ZFAT: variants seen among roughly 807,000 people sequenced by gnomAD.
ZFAT encodes zinc finger and AT-hook domain containing.
ZFAT carries 64 observed loss-of-function variants against 117.7 expected under a neutral mutation model. The observed-to-expected ratio is 0.54, with a 90% CI of 0.44 to 0.67. The LOEUF is 0.67. ZFAT is among the 30% of genes least tolerant of loss of function. The pLI is 0.00. For missense variants in ZFAT, 1,433 were observed against 1,584.5 expected, an observed-to-expected ratio of 0.90 and a Z score of 1.62; for synonymous variants, 679 against 615.0, an observed-to-expected ratio of 1.10 and a Z score of -1.54.
At position 134,670,303 on chromosome 8, in the gene ZFAT, T is replaced by G. The variant is rs1832491879; in HGVS notation, c.20-12566A>C. Among the ~76,000 whole-genome samples the G allele has an allele frequency of 2.0e-5, 3 of 152,248 alleles. No homozygotes were observed. The South Asian group carries it at 6.2e-4, about 31-fold the overall frequency. On this transcript the variant is annotated intron_variant, in intron 1 of 15. Transcript: ENST00000377838. ...CCCCAAATCAACAGAATATACATTC[T>G]TCTCAGCACCACATCACACTTAATC...
intron 7 of ZFAT, chr8:134,599,838 T>C (rs971408331): frequency 2.0e-5 from 9 of 454,194 alleles, no homozygotes; most frequent in African/African-American, 1.4e-4. Flanking sequence ...TCATTCATTG[T>C]GTTACAAGAT....
chr8:134,510,611 C>A (rs1819755499), intron 14 of ZFAT: 1 of 163,194 alleles, frequency 6.1e-6, no homozygotes, highest in Admixed American at 5.9e-5. Context: ...TCGCCGGCAC[C>A]CCCAAACACA....
At chr8:134,757,232 G>T in the ZFAT span, among the ~76,000 whole-genome samples, 3 of 151,900 alleles carry the variant, frequency 2.0e-5, no homozygotes, top group South Asian at 4.2e-4. Context: ...GGCCAGGCTG[G>T]TCTCAAACTC....
At chr8:134,480,494 A>C (rs1316715286) in intron 15 of ZFAT, among the ~76,000 whole-genome samples, 1 of 152,236 alleles carries the variant, frequency 6.6e-6, no homozygotes, top group African/African-American at 2.4e-5. Flanking sequence ...ACTAGGTGTC[A>C]GATGCCACGC....
intron 1 of ZFAT, among the ~76,000 whole-genome samples, chr8:134,696,218 A>G (rs11166667): frequency 0.89 from 135,130 of 152,220 alleles, 60,157 homozygotes; most frequent in African/African-American, 0.91. Context: ...CCAGGCGCGG[A>G]CCATCTCTAA....
At chr8:134,781,401 T>G in the ZFAT span, among the ~76,000 whole-genome samples, 1 of 152,192 alleles carries the variant, frequency 6.6e-6, no homozygotes, top group African/African-American at 2.4e-5. Context: ...CACTTTTATC[T>G]TAACTTACAG....
intron 10 of ZFAT, among the ~76,000 whole-genome samples, chr8:134,583,506 G>A (rs150127670): frequency 1.5e-4 from 23 of 152,266 alleles, no homozygotes; most frequent in Admixed American, 9.8e-4. Flanking sequence ...GGTGGTGATG[G>A]AGGGCTAAAA....
At chr8:134,578,554 A>G (rs886396745) in intron 10 of ZFAT, among the ~76,000 whole-genome samples, 1 of 152,090 alleles carries the variant, frequency 6.6e-6, no homozygotes, top group Admixed American at 6.6e-5. Context: ...GTGACAGCAG[A>G]TAGACAGGAG....
intron 12 of ZFAT, among the ~76,000 whole-genome samples, chr8:134,525,574 A>G (rs750919353): frequency 3.9e-5 from 6 of 152,198 alleles, no homozygotes; most frequent in Non-Finnish European, 8.8e-5. Context: ...CTCCAAATCA[A>G]TTCCGTGTCA....
chr8:134,538,811 A>AAAAGAT (rs1309976673), intron 11 of ZFAT, among the ~76,000 whole-genome samples: 18 of 151,820 alleles, frequency 1.2e-4, no homozygotes, highest in African/African-American at 4.4e-4. Context: ...AAAAAAAAAA[A>AAAAGAT]AAAGATAAAG....
intron 3 of ZFAT, among the ~76,000 whole-genome samples, chr8:134,637,037 C>A (rs567978504): frequency 6.6e-6 from 1 of 152,386 alleles, no homozygotes; most frequent in East Asian, 1.9e-4. Flanking sequence ...AGACGTCCTT[C>A]CTTCAATTCA....
chr8:134,664,187 C>A (rs1368700462), intron 1 of ZFAT, among the ~76,000 whole-genome samples: 3 of 151,918 alleles, frequency 2.0e-5, no homozygotes, highest in Non-Finnish European at 4.4e-5. Context: ...TCTCTGCTGG[C>A]CAGCCCATGA....
chr8:134,700,392 G>T (rs1041380073), intron 1 of ZFAT, among the ~76,000 whole-genome samples: 2 of 152,176 alleles, frequency 1.3e-5, no homozygotes, highest in South Asian at 4.1e-4. Context: ...CTAGATGGAT[G>T]GGGAGTTGAC....
chr8:134,783,188 CTT>C, the ZFAT span, among the ~76,000 whole-genome samples: 7 of 152,202 alleles, frequency 4.6e-5, no homozygotes, highest in East Asian at 9.6e-4. Context: ...ATGAAACAAA[CTT>C]ATTTTTTCAT....
intron 1 of ZFAT, among the ~76,000 whole-genome samples, chr8:134,691,798 A>G (rs1454350259): frequency 6.6e-6 from 1 of 152,222 alleles, no homozygotes; most frequent in Non-Finnish European, 1.5e-5. Context: ...CATCAATATC[A>G]TTTAATTCAA....
At chr8:134,548,673 A>T (rs62523736) in intron 11 of ZFAT, among the ~76,000 whole-genome samples, 47,551 of 152,064 alleles carry the variant, frequency 0.31, 7,984 homozygotes, top group East Asian at 0.67. Context: ...GAGGAGAGGG[A>T]CTTCTCCAGC....
At chr8:134,605,343 G>A (rs535915955) in intron 5 of ZFAT, among the ~76,000 whole-genome samples, 2 of 152,016 alleles carry the variant, frequency 1.3e-5, no homozygotes, top group South Asian at 2.1e-4. Context: ...TCAGGAGATC[G>A]AGACCATCCT....
intron 1 of ZFAT, among the ~76,000 whole-genome samples, chr8:134,702,829 G>A (rs770823504): frequency 1.2e-4 from 18 of 151,956 alleles, no homozygotes; most frequent in African/African-American, 2.9e-4. Context: ...CCACCACCAC[G>A]TCCAGCTAAT....
chr8:134,830,964 C>T, the ZFAT span, among the ~76,000 whole-genome samples: 2 of 152,168 alleles, frequency 1.3e-5, no homozygotes, highest in Non-Finnish European at 2.9e-5. Flanking sequence ...AGCAAAAGCA[C>T]TGGTTATTCA....
Sources: gnomAD v4.1 joint callset for allele counts (sites outside exome capture counted in the v4.1 genomes callset) on GRCh38, gnomAD v4.1.1 for gene constraint, MANE v1.5 for transcripts, NCBI Gene and HGNC (gene_info 2026-07-23, HGNC 2026-07-21) for gene names.